Variants in KDM3B observed in about 807,000 individuals in gnomAD.
KDM3B encodes lysine demethylase 3B, also known as lysine-specific demethylase 3B.
A neutral mutation model predicts 170.0 loss-of-function variants in KDM3B; 10 were observed. The observed-to-expected ratio is 0.06, with a 90% confidence interval of 0.04 to 0.10. The LOEUF (loss-of-function observed/expected upper bound fraction) is 0.10, where lower values mean the gene tolerates loss of function less well. Among genes scored for constraint, KDM3B ranks in the 10% least tolerant of loss-of-function variants. KDM3B has a pLI of 1.00. For synonymous variants in KDM3B, 831 were observed against 834.8 expected, an observed-to-expected ratio of 1.00 and a Z score of 0.08; for missense variants, 1,394 against 2,195.2, an observed-to-expected ratio of 0.64 and a Z score of 7.29.
chr5:138,398,798 T>C (rs532319266), intron 10 of KDM3B, among the ~76,000 whole-genome samples: 1 of 152,156 alleles, frequency 6.6e-6, no homozygotes, highest in South Asian at 2.1e-4. Context: ...ACATTATTCA[T>C]ACATTTCAAA....
chr5:138,354,170 A>AT (rs1488217254), intron 1 of KDM3B, among the ~76,000 whole-genome samples: 13 of 151,850 alleles, frequency 8.6e-5, no homozygotes, highest in South Asian at 6.2e-4. Flanking sequence ...AGCTTTATGG[A>AT]TTTTTTTTGT....
chr5:138,374,505 G>T (rs563129947), intron 2 of KDM3B, among the ~76,000 whole-genome samples: 6 of 152,086 alleles, frequency 3.9e-5, no homozygotes, highest in Non-Finnish European at 5.9e-5. Flanking sequence ...TGATCCACCC[G>T]CCTCGGCCTC....
chr5:138,363,707 C>T (rs1264079420), intron 1 of KDM3B, among the ~76,000 whole-genome samples: 4 of 152,068 alleles, frequency 2.6e-5, no homozygotes, highest in South Asian at 2.1e-4. Flanking sequence ...CCACCACACC[C>T]GGATAATTTT....
In KDM3B at chr5:138,421,849, G is replaced by A. The variant is rs188477386; in HGVS notation, c.3972+887G>A. On this transcript the variant is annotated intron_variant, in intron 15 of 23. Coordinates refer to ENST00000314358, the MANE Select transcript of KDM3B (RefSeq NM_016604.4). ...ACAGATGAGTAGAGTCACGCACCTG[G>A]ACTATGAGGCCATAGCCCTATCTGT... 2.6e-5 allele frequency among the ~76,000 whole-genome samples: 4 copies of A among 152,216 alleles called. No individual in the cohort carries two copies. In the East Asian group the frequency reaches 7.7e-4, roughly 29 times the overall value.
intron 12 of KDM3B, 70 bp from the exon 13 acceptor site, chr5:138,417,413 C>A: frequency 6.9e-7 from 1 of 1,459,706 alleles, no homozygotes; most frequent in East Asian, 2.3e-5. Flanking sequence ...ATGTAAAGAA[C>A]ACTCTTAGCA....
chr5:138,363,355 A>G (rs1333037060), intron 1 of KDM3B, among the ~76,000 whole-genome samples: 1 of 151,982 alleles, frequency 6.6e-6, no homozygotes. Flanking sequence ...GTTTTTATTG[A>G]TACGGACTCA....
chr5:138,416,066 T>C (rs768100041), intron 12 of KDM3B, among the ~76,000 whole-genome samples: 9 of 151,698 alleles, frequency 5.9e-5, no homozygotes, highest in South Asian at 2.1e-4. Context: ...TCTCATATAA[T>C]TAAAAAATAA....
chr5:138,391,343 G>A lies in KDM3B; in HGVS notation c.1711G>A (p.Gly571Ser). 2 of 1,614,164 alleles carry A rather than the reference G, an allele frequency of 1.2e-6. No individual in the cohort carries two copies. The highest frequency in any genetic ancestry group is 1.7e-6 in the Non-Finnish European group (2 of 1,180,032). ...LESLSSGLCK[G>S]RSVLGTDTKP... ...GAGCCTGAGCTCAGGCCTGTGTAAA[G>A]GCAGATCCGTTCTTGGAACAGACAC... The change falls in exon 8 of 24, where the codon GGC becomes AGC. Residue 571 changes from glycine (G) to serine (S), a missense_variant. By Grantham distance (56) the Gly-to-Ser change is moderately conservative. Transcript: ENST00000314358. This position sits in a 1 kb window ranked among gnomAD's most constrained non-coding sequence, Gnocchi z 5.0.
intron 20 of KDM3B, 144 bp from the exon 21 acceptor site, chr5:138,429,682 C>A: frequency 1.2e-6 from 1 of 809,178 alleles, no homozygotes. Context: ...GGAGCTTAGA[C>A]CAGTATCAAT....
chr5:138,425,775 A>C, intron 17 of KDM3B, 193 bp downstream of exon 17: 1 of 499,230 alleles, frequency 2.0e-6, no homozygotes, highest in Non-Finnish European at 3.5e-6. Context: ...TTGGAGGCTG[A>C]TGTGTGGATC....
intron 19 of KDM3B, 55 bp from the exon 20 acceptor site, chr5:138,427,911 CG>C: frequency 6.4e-7 from 1 of 1,555,232 alleles, no homozygotes; most frequent in Non-Finnish European, 8.8e-7. Flanking sequence ...GTAGTGTCGA[CG>C]TGGATTCTTC....
chr5:138,370,743 CAT>C (rs1346725570), intron 1 of KDM3B, among the ~76,000 whole-genome samples: 3 of 152,068 alleles, frequency 2.0e-5, no homozygotes, highest in South Asian at 2.1e-4. Context: ...TTGGGAGTCA[CAT>C]GTGTGGGGAT....
chr5:138,353,027 C>T (rs1335952831), intron 1 of KDM3B, 40 bp downstream of exon 1: 6 of 889,368 alleles, frequency 6.7e-6, no homozygotes, highest in Middle Eastern at 5.8e-4. Flanking sequence ...GCCGGGGCTG[C>T]GGGGCCTGCG....
intron 11 of KDM3B, among the ~76,000 whole-genome samples, chr5:138,411,414 C>G (rs920377069): frequency 1.3e-5 from 2 of 152,148 alleles, no homozygotes; most frequent in Non-Finnish European, 2.9e-5. Context: ...TATCTAAGAT[C>G]TATATCTGGT....
chr5:138,411,610 T>A (rs1377975220), intron 11 of KDM3B, among the ~76,000 whole-genome samples: 1 of 151,866 alleles, frequency 6.6e-6, no homozygotes, highest in Non-Finnish European at 1.5e-5. Flanking sequence ...TAGAAAGAAA[T>A]AAAATATTTG....
intron 1 of KDM3B, among the ~76,000 whole-genome samples, chr5:138,367,585 C>T (rs1580881393): frequency 6.6e-6 from 1 of 152,088 alleles, no homozygotes; most frequent in Admixed American, 6.5e-5. Context: ...TAATAAAATA[C>T]TTTACTTGGA....
At chr5:138,431,061 A>G (rs1251560908) in intron 22 of KDM3B, among the ~76,000 whole-genome samples, 2 of 151,532 alleles carry the variant, frequency 1.3e-5, no homozygotes, top group Non-Finnish European at 2.9e-5. Context: ...TTTCCAGAAC[A>G]TTTTCTGTGC....
At chr5:138,362,655 T>C (rs1454964740) in intron 1 of KDM3B, among the ~76,000 whole-genome samples, 1 of 150,522 alleles carries the variant, frequency 6.6e-6, no homozygotes, top group African/African-American at 2.4e-5. Flanking sequence ...TATAGAAATA[T>C]AATTATTTCT....
intron 1 of KDM3B, among the ~76,000 whole-genome samples, chr5:138,362,312 G>T (rs1403646610): frequency 6.6e-6 from 1 of 151,732 alleles, no homozygotes; most frequent in African/African-American, 2.4e-5. Flanking sequence ...ACAAAAGAAG[G>T]AACTCTATTG....
Sources: allele counts gnomAD v4.1 joint callset (sites outside exome capture counted in the v4.1 genomes callset), GRCh38; gene constraint gnomAD v4.1.1; non-coding constraint Gnocchi (gnomAD v3.1); transcripts MANE v1.5; gene names NCBI Gene and HGNC (gene_info 2026-07-23, HGNC 2026-07-21).